The following RBFOX1 variants were observed in gnomAD, a reference collection of about 807,000 sequenced individuals.
RBFOX1 encodes the protein RNA binding protein fox-1 homolog 1.
A neutral mutation model predicts 57.7 loss-of-function variants in RBFOX1; 8 were observed. That is an observed-to-expected ratio of 0.14 (90% CI 0.08 to 0.25). The LOEUF is 0.25. Among genes scored for constraint, RBFOX1 ranks in the 10% least tolerant of loss-of-function variants. The pLI, the probability that RBFOX1 is intolerant of heterozygous loss-of-function variation, is 1.00. For synonymous variants in RBFOX1, 326 were observed against 222.4 expected (o/e 1.47, Z -4.15); for missense variants, 611 against 548.5 (o/e 1.11, Z -1.14).
intron 3 of RBFOX1, among the ~76,000 whole-genome samples, chr16:5,856,193 A>ATATATATATATATATATACATATATATG (rs1567630870): frequency 5.2e-5 from 3 of 58,060 alleles, no homozygotes; most frequent in African/African-American, 1.7e-4. Context: ...CTCTCTATAT[A>ATATATATATATATATATACATATATATG]TATATATATA....
chr16:6,210,549 G>T (rs908465583), intron 1 of RBFOX1, among the ~76,000 whole-genome samples: 22 of 151,770 alleles, frequency 1.4e-4, no homozygotes, highest in African/African-American at 5.3e-4. Context: ...GGGTAATGTA[G>T]CGAGACCCTG....
chr16:6,672,505 G>C (rs893136050), intron 3 of RBFOX1, among the ~76,000 whole-genome samples: 7 of 151,350 alleles, frequency 4.6e-5, no homozygotes, highest in Admixed American at 6.6e-5. Context: ...AGGAAGAAAG[G>C]AAGGAAGATG....
intron 2 of RBFOX1, among the ~76,000 whole-genome samples, chr16:6,557,148 C>CATATAT (rs1567673126): frequency 8.5e-4 from 122 of 142,942 alleles, no homozygotes; most frequent in Middle Eastern, 3.6e-3. Context: ...TACATATATA[C>CATATAT]ACACATATAT....
chr16:6,520,950 A>G (rs573787273), intron 2 of RBFOX1, among the ~76,000 whole-genome samples: 15 of 151,878 alleles, frequency 9.9e-5, no homozygotes, highest in African/African-American at 1.7e-4. Context: ...AGGGGGGGAA[A>G]AAAATAATTG....
chr16:5,454,773 C>CCT lies in RBFOX1; in HGVS notation c.220-12443_220-12442insCT, dbSNP rs1567534324. 7.9e-3 allele frequency among the ~76,000 whole-genome samples: 1,015 copies of CCT among 128,888 alleles called. 34 individuals carry two copies. The highest frequency in any genetic ancestry group is 0.029 in the African/African-American group (979 of 34,348). The allele number at this position is 128,888 out of a possible 152,430, so 84.6% of individuals were successfully genotyped here. Reference sequence around the variant, plus strand: ...TCTTTTCTTTTCTTTCTTTCTCTTTCTTTCTTTCTTTCTTTCTCTTTCTTT... The same window carrying CCT: ...TCTTTTCTTTTCTTTCTTTCTCTTTCCTTTTCTTTCTTTCTTTCTCTTTCTTT... On this transcript the variant is annotated intron_variant, in intron 1 of 2. Transcript: ENST00000585867.
At position 7,710,908 on chromosome 16, in the gene RBFOX1, A is replaced by G; in HGVS notation, c.*163A>G. On this transcript the variant is annotated 3_prime_UTR_variant, in exon 16 of 16. Coordinates refer to ENST00000550418, the MANE Select transcript of RBFOX1 (RefSeq NM_018723.4). Reference sequence around the variant, plus strand: ...ACATTTTTTATCTTATACCTCAGATATTTTGTTCTGTGTATTTTAATATTG... The same window carrying G: ...ACATTTTTTATCTTATACCTCAGATGTTTTGTTCTGTGTATTTTAATATTG... 1.3e-6 allele frequency: 1 copy of G among 793,118 alleles called. No homozygotes were observed. The highest frequency in any genetic ancestry group is 1.8e-6 in the Non-Finnish European group (1 of 570,608). 49.1% of individuals were successfully genotyped at this position (793,118 alleles called of 1,614,324 possible).
At chr16:7,073,360 A>G (rs1279845545) in intron 4 of RBFOX1, among the ~76,000 whole-genome samples, 1 of 152,214 alleles carries the variant, frequency 6.6e-6, no homozygotes, top group African/African-American at 2.4e-5. Context: ...ACAAATCCTA[A>G]GAAGATCTTC....
chr16:5,968,079 T>G (rs2059885664), intron 4 of RBFOX1, among the ~76,000 whole-genome samples: 1 of 152,184 alleles, frequency 6.6e-6, no homozygotes, highest in Non-Finnish European at 1.5e-5. Flanking sequence ...TCCAGTACTT[T>G]ATTTTATTTC....
intron 4 of RBFOX1, among the ~76,000 whole-genome samples, chr16:7,399,262 A>T (rs1429224150): frequency 6.6e-6 from 1 of 151,594 alleles, no homozygotes; most frequent in African/African-American, 2.4e-5. Context: ...AGCTTGACCA[A>T]CACGGAGAAA....
intron 3 of RBFOX1, among the ~76,000 whole-genome samples, chr16:6,896,990 C>T (rs886683006): frequency 6.6e-6 from 1 of 152,184 alleles, no homozygotes; most frequent in South Asian, 2.1e-4. Flanking sequence ...AATGTCGTGG[C>T]TAACAGCAGC....
At chr16:5,329,267 G>A (rs1224466063) in intron 1 of RBFOX1, among the ~76,000 whole-genome samples, 2 of 152,174 alleles carry the variant, frequency 1.3e-5, no homozygotes, top group African/African-American at 4.8e-5. Context: ...TCCACAGGCT[G>A]TACAGGAAGC....
intron 3 of RBFOX1, among the ~76,000 whole-genome samples, chr16:5,631,418 A>G (rs1295690620): frequency 2.6e-5 from 4 of 152,036 alleles, no homozygotes; most frequent in African/African-American, 9.7e-5. Flanking sequence ...TTAGCCGGGT[A>G]TGGTGGCGGG....
chr16:6,859,755 A>G (rs1378597886), intron 3 of RBFOX1, among the ~76,000 whole-genome samples: 1 of 152,190 alleles, frequency 6.6e-6, no homozygotes, highest in Non-Finnish European at 1.5e-5. Flanking sequence ...AATAGCAGAC[A>G]TGTTAATATG....
chr16:6,524,752 G>A (rs116912505), intron 2 of RBFOX1, among the ~76,000 whole-genome samples: 1,542 of 152,234 alleles, frequency 0.01, 18 homozygotes, highest in Middle Eastern at 0.051. Flanking sequence ...CACAGCCTCC[G>A]TTGGTTGTCA....
At chr16:7,237,064 TAGAG>T (rs1320954497) in intron 4 of RBFOX1, among the ~76,000 whole-genome samples, 1 of 152,090 alleles carries the variant, frequency 6.6e-6, no homozygotes, top group African/African-American at 2.4e-5. Flanking sequence ...TCAGGAGAGG[TAGAG>T]AGCTGTGTGG....
intron 4 of RBFOX1, among the ~76,000 whole-genome samples, chr16:5,887,087 G>A (rs986483146): frequency 9.9e-5 from 15 of 152,220 alleles, no homozygotes; most frequent in African/African-American, 3.6e-4. Context: ...CCCAGGTTGT[G>A]ACAACCAAAA....
chr16:6,018,480 A>G (rs536743651), upstream of RBFOX1, among the ~76,000 whole-genome samples: 1 of 152,122 alleles, frequency 6.6e-6, no homozygotes, highest in Non-Finnish European at 1.5e-5. Context: ...TAGGAGGACA[A>G]TCCCTAGACC....
intron 3 of RBFOX1, among the ~76,000 whole-genome samples, chr16:6,983,911 A>G (rs761617836): frequency 2.0e-5 from 3 of 152,164 alleles, no homozygotes; most frequent in Non-Finnish European, 4.4e-5. Flanking sequence ...AGCATGTAGT[A>G]ATGTGTCATA....
chr16:6,823,009 G>C (rs117260524), intron 3 of RBFOX1, among the ~76,000 whole-genome samples: 4,548 of 152,198 alleles, frequency 0.03, 231 homozygotes, highest in East Asian at 0.16. Context: ...ACTTTGCTTA[G>C]TACTGTATGT....
Sources: gnomAD v4.1 joint callset for allele counts (sites outside exome capture counted in the v4.1 genomes callset) on GRCh38, gnomAD v4.1.1 for gene constraint, MANE v1.5 for transcripts, NCBI Gene and HGNC (gene_info 2026-07-23, HGNC 2026-07-21) for gene names.